The following CSMD3 variants were observed in gnomAD, a reference collection of about 807,000 sequenced individuals.
The protein encoded by CSMD3 is CUB and Sushi multiple domains 3.
A neutral mutation model predicts 435.2 loss-of-function variants in CSMD3; 177 were observed. The ratio of observed to expected loss-of-function variants is 0.41; its 90% CI spans 0.36 to 0.46. The LOEUF (loss-of-function observed/expected upper bound fraction) is 0.46, where lower values mean the gene tolerates loss of function less well. Among genes scored for constraint, CSMD3 ranks in the 20% least tolerant of loss-of-function variants. The pLI is 0.34. For missense variants in CSMD3, 4,265 were observed against 4,504.6 expected, an observed-to-expected ratio of 0.95 and a Z score of 1.52; for synonymous variants, 1,656 against 1,520.5, an observed-to-expected ratio of 1.09 and a Z score of -2.07.
At chr8:113,358,117 C>T (rs1469510863) in intron 1 of CSMD3, among the ~76,000 whole-genome samples, 1 of 151,954 alleles carries the variant, frequency 6.6e-6, no homozygotes, top group Admixed American at 6.6e-5. Flanking sequence ...ATGTAAGCAC[C>T]AATATAATAT....
intron 38 of CSMD3, among the ~76,000 whole-genome samples, chr8:112,375,034 T>C (rs953044453): frequency 3.9e-5 from 6 of 152,202 alleles, no homozygotes; most frequent in Non-Finnish European, 4.4e-5. Context: ...AGTGTTATTA[T>C]TTAAAGCAAC....
intron 4 of CSMD3, among the ~76,000 whole-genome samples, chr8:113,125,385 G>C (rs1177444378): frequency 6.6e-6 from 1 of 151,920 alleles, no homozygotes; most frequent in Non-Finnish European, 1.5e-5. Context: ...CTACAGTTCA[G>C]GTAAGGATTT....
intron 13 of CSMD3, among the ~76,000 whole-genome samples, chr8:112,750,340 T>C (rs970399728): frequency 2.0e-5 from 3 of 151,732 alleles, no homozygotes; most frequent in Admixed American, 6.6e-5. Context: ...ATTTAATAAT[T>C]TTATTAAATA....
At chr8:113,372,920 G>C (rs979550475) in intron 1 of CSMD3, among the ~76,000 whole-genome samples, 6 of 133,402 alleles carry the variant, frequency 4.5e-5, no homozygotes, top group Non-Finnish European at 9.3e-5. Flanking sequence ...CGGCCTGGGC[G>C]ACAGAGCGAG....
chr8:112,445,957 CA>C (rs1815555325), intron 32 of CSMD3, among the ~76,000 whole-genome samples: 1 of 152,104 alleles, frequency 6.6e-6, no homozygotes, highest in Admixed American at 6.6e-5. Context: ...GTAAACAGAG[CA>C]TATATTATTA....
intron 1 of CSMD3, among the ~76,000 whole-genome samples, chr8:113,340,569 T>C (rs978624638): frequency 6.6e-5 from 10 of 152,134 alleles, no homozygotes; most frequent in Admixed American, 5.2e-4. Flanking sequence ...ATCTGTTCTA[T>C]CATTTCTGAT....
chr8:112,486,074 T>C (rs1820102363), intron 31 of CSMD3, among the ~76,000 whole-genome samples: 2 of 151,556 alleles, frequency 1.3e-5, no homozygotes. Flanking sequence ...GTATTTCAGA[T>C]GAAATACAAA....
At chr8:112,905,516 G>T (rs1187623956) in intron 10 of CSMD3, among the ~76,000 whole-genome samples, 1 of 151,338 alleles carries the variant, frequency 6.6e-6, no homozygotes, top group East Asian at 2.0e-4. Flanking sequence ...TTCAGGGACA[G>T]TTGTTCTTTC....
chr8:113,277,567 G>A lies in CSMD3; in HGVS notation c.514+1025C>T, dbSNP rs528927535. Among the ~76,000 whole-genome samples the A allele has an allele frequency of 2.6e-5, 4 of 151,952 alleles. No individual in the cohort carries two copies. The East Asian group carries it at 7.7e-4, about 29-fold the overall frequency. On this transcript the variant is annotated intron_variant, in intron 3 of 70. Transcript: ENST00000297405. The stretch of plus-strand genomic sequence containing the variant: ...ACTGAAACAATTCTATTTACTATGT[G>A]ATTGTTTTCTTTAAACACATTATAT...
rs146268410 is a variant in CSMD3 at position 113,301,798 on chromosome 8, T to C, written c.401+12773A>G. Among the ~76,000 whole-genome samples, 5 of 152,158 alleles carry C rather than the reference T, an allele frequency of 3.3e-5. No homozygotes were observed. The East Asian group carries it at 9.6e-4, about 29-fold the overall frequency. ...GTATCTTTTAAATAACTTTATAACA[T>C]CAAACTTGAACATCTATGAAGGAAA... On this transcript the variant is annotated intron_variant, in intron 2 of 70. Coordinates refer to ENST00000297405, the MANE Select transcript of CSMD3 (RefSeq NM_198123.2).
At chr8:112,265,259 A>G (rs1816828880) in intron 60 of CSMD3, 152 bp downstream of exon 60, 2 of 394,334 alleles carry the variant, frequency 5.1e-6, no homozygotes, top group Non-Finnish European at 8.8e-6. Flanking sequence ...ATTAAAATAA[A>G]ATTTTTAAGA....
intron 4 of CSMD3, among the ~76,000 whole-genome samples, chr8:113,102,294 A>G (rs893656201): frequency 6.6e-6 from 1 of 152,260 alleles, no homozygotes; most frequent in African/African-American, 2.4e-5. Context: ...GGCTCAAGAT[A>G]CACATAGGAT....
At chr8:113,218,371 A>G (rs1247593081) in intron 3 of CSMD3, among the ~76,000 whole-genome samples, 1 of 150,858 alleles carries the variant, frequency 6.6e-6, no homozygotes, top group Non-Finnish European at 1.5e-5. Context: ...AGTACATTTT[A>G]CATCTAAAAA....
At chr8:112,519,902 C>T (rs369463766) in intron 27 of CSMD3, among the ~76,000 whole-genome samples, 58 of 152,102 alleles carry the variant, frequency 3.8e-4, no homozygotes, top group East Asian at 3.7e-3. Context: ...TTGAATAGAG[C>T]GTAAAACTCA....
chr8:112,335,605 C>T, intron 44 of CSMD3, 131 bp from the exon 45 acceptor site: 1 of 783,234 alleles, frequency 1.3e-6, no homozygotes, highest in Non-Finnish European at 2.2e-6. Flanking sequence ...AGGAAGCTAA[C>T]CAATGAGTAC....
intron 5 of CSMD3, among the ~76,000 whole-genome samples, chr8:113,076,074 C>T (rs945830877): frequency 6.6e-6 from 1 of 151,536 alleles, no homozygotes; most frequent in Non-Finnish European, 1.5e-5. Flanking sequence ...AAACAAGACA[C>T]AACAAAAGTT....
chr8:112,418,287 GGTACATGT>G (rs1406466467), intron 32 of CSMD3, among the ~76,000 whole-genome samples: 5 of 151,888 alleles, frequency 3.3e-5, no homozygotes, highest in Non-Finnish European at 7.4e-5. Context: ...TAAGTTTTAG[GGTACATGT>G]GCACAACGTG....
chr8:113,319,682 T>C (rs1038116623), intron 1 of CSMD3, among the ~76,000 whole-genome samples: 3 of 152,028 alleles, frequency 2.0e-5, no homozygotes, highest in Non-Finnish European at 4.4e-5. Flanking sequence ...CAAAAAAAAG[T>C]TATCATACTA....
chr8:113,281,994 A>AAGAT (rs1554597318), intron 2 of CSMD3, among the ~76,000 whole-genome samples: 1 of 152,004 alleles, frequency 6.6e-6, no homozygotes, highest in Non-Finnish European at 1.5e-5. Flanking sequence ...GAGGAGGCTG[A>AAGAT]AGATAGGCAC....
Sources: gnomAD v4.1 joint callset for allele counts (sites outside exome capture counted in the v4.1 genomes callset) on GRCh38, gnomAD v4.1.1 for gene constraint, MANE v1.5 for transcripts, NCBI Gene and HGNC (gene_info 2026-07-23, HGNC 2026-07-21) for gene names.